The following AGR3 variants were observed in gnomAD, a reference collection of about 807,000 sequenced individuals.
AGR3 encodes anterior gradient protein 3.
In AGR3, 37 loss-of-function variants were observed where a neutral mutation model predicts 24.5. The ratio of observed to expected loss-of-function variants is 1.51; its 90% confidence interval spans 1.16 to 1.99. The LOEUF is 1.99. Ranked by LOEUF, AGR3 falls within the 30% of genes most tolerant of loss-of-function variation. AGR3 has a pLI of 0.00. For missense variants in AGR3, 228 were observed against 191.1 expected (o/e 1.19, Z -1.14); for synonymous variants, 75 against 61.6 (o/e 1.22, Z -1.02).
At chr7:16,868,028 C>T (rs1483278361) in intron 3 of AGR3, among the ~76,000 whole-genome samples, 4 of 152,098 alleles carry the variant, frequency 2.6e-5, no homozygotes, top group African/African-American at 7.2e-5. Context: ...CCAACACTTG[C>T]TATTATTCAT....
chr7:16,861,129 C>G (rs1033551149), intron 6 of AGR3, among the ~76,000 whole-genome samples: 5 of 152,186 alleles, frequency 3.3e-5, no homozygotes, highest in Admixed American at 2.6e-4. Context: ...CTCTGTCAAT[C>G]TAGTCTGGGG....
At position 16,881,947 on chromosome 7, in the gene AGR3, A is replaced by G. The variant is rs777188408; in HGVS notation, c.-31T>C. 2.1e-6 allele frequency: 1 copy of G among 471,096 alleles called. No individual in the cohort carries two copies. The highest frequency in any genetic ancestry group is 1.5e-5 in the South Asian group (1 of 64,564). The allele number at this position is 471,096 out of a possible 1,614,324, so 29.2% of individuals were successfully genotyped here. A position where few individuals can be genotyped will look rare whatever the true frequency, so the allele number is the denominator to read the frequency against. ...TCTGGAAAATTTGCTTGCTTACCTG[A>G]CTTGGCCAGTGCTCTTGTTGGAAAT... is the stretch of plus-strand genomic sequence containing the variant. On this transcript the variant is annotated 5_prime_UTR_variant, in exon 1 of 8. Transcript: ENST00000310398.
intron 3 of AGR3, among the ~76,000 whole-genome samples, chr7:16,863,771 A>G (rs1451704612): frequency 6.6e-6 from 1 of 151,996 alleles, no homozygotes; most frequent in Non-Finnish European, 1.5e-5. Context: ...AGTCTCCCCA[A>G]AGATGGATAT....
At chr7:16,875,151 C>G (rs943865687) in intron 2 of AGR3, among the ~76,000 whole-genome samples, 1 of 151,000 alleles carries the variant, frequency 6.6e-6, no homozygotes, top group African/African-American at 2.4e-5. Flanking sequence ...AAAATGTGTG[C>G]TTTTTTCAGT....
At chr7:16,865,919 C>T in intron 3 of AGR3, 1 of 707,196 alleles carries the variant, frequency 1.4e-6, no homozygotes, top group Non-Finnish European at 2.6e-6. Flanking sequence ...TAAAATAGAT[C>T]CATCCTGTTT....
chr7:16,860,506 G>A lies in AGR3; in HGVS notation c.445C>T (p.Pro149Ser). 1 of 1,611,146 alleles carries A rather than the reference G, an allele frequency of 6.2e-7. No individual in the cohort carries two copies. The highest frequency in any genetic ancestry group is 8.5e-7 in the Non-Finnish European group (1 of 1,177,400). Residue 149 changes from proline to serine, a missense_variant, in exon 7 of 8, where the codon CCC (proline) becomes TCC (serine). Transcript: ENST00000310398. ...RLYTYEPRDL[P>S]LLIENMKKAL... ...ATCATTTGTGAATACTTACATAGGG[G>A]TAAATCCCGAGGCTCATATGTGTAC...
In AGR3 at chr7:16,859,415, G is replaced by T. The variant is rs950201058; in HGVS notation, c.*167C>A. The T allele has an allele frequency of 1.1e-5, 6 of 555,152 alleles. No individual in the cohort carries two copies. Among genetic ancestry groups the T allele is most frequent in the Non-Finnish European group, 3.2e-6 (1 of 316,956 alleles). 34.4% of individuals were successfully genotyped at this position (555,152 alleles called of 1,614,324 possible). A position where few individuals can be genotyped will look rare whatever the true frequency, so the allele number is the denominator to read the frequency against. Reference sequence around the variant, plus strand: ...AAATAAAACTATATTGTCAGTCTCAGATTTAAAAAACATTTATTTTAATAA... The same window carrying T: ...AAATAAAACTATATTGTCAGTCTCATATTTAAAAAACATTTATTTTAATAA... On this transcript the variant is annotated 3_prime_UTR_variant, in exon 8 of 8. Coordinates refer to ENST00000310398, the MANE Select transcript of AGR3 (RefSeq NM_176813.5).
intron 3 of AGR3, among the ~76,000 whole-genome samples, chr7:16,871,491 T>C (rs961321175): frequency 3.3e-5 from 5 of 152,088 alleles, no homozygotes; most frequent in Non-Finnish European, 7.4e-5. Flanking sequence ...GTAGCATTTC[T>C]ATACAACAAT....
chr7:16,866,218 C>G (rs1781755415), intron 3 of AGR3: 5 of 525,240 alleles, frequency 9.5e-6, no homozygotes, highest in Admixed American at 9.1e-5. Flanking sequence ...GTAGAGATGT[C>G]TCTATACTCT....
At chr7:16,862,784 A>G (rs1392409515) in intron 3 of AGR3, 122 bp from the exon 4 acceptor site, 1 of 655,854 alleles carries the variant, frequency 1.5e-6, no homozygotes, top group East Asian at 3.3e-5. Context: ...CAGATTTACA[A>G]ATCATAGCAC....
intron 3 of AGR3, chr7:16,866,332 C>T: frequency 1.9e-6 from 1 of 518,108 alleles, no homozygotes; most frequent in Non-Finnish European, 3.9e-6. Context: ...AGTTCCCATC[C>T]ATAGTATAGG....
intron 1 of AGR3, among the ~76,000 whole-genome samples, chr7:16,879,454 A>G (rs929355075): frequency 1.3e-5 from 2 of 152,238 alleles, no homozygotes. Flanking sequence ...TAAATATATT[A>G]CAGGAAGTCT....
chr7:16,864,652 G>A (rs1363046667), intron 3 of AGR3: 2 of 1,582,504 alleles, frequency 1.3e-6, no homozygotes, highest in African/African-American at 2.7e-5. Context: ...GCATAAAGCT[G>A]GTAGGCAGAA....
chr7:16,865,703 C>G, intron 3 of AGR3: 1 of 781,066 alleles, frequency 1.3e-6, no homozygotes, highest in Non-Finnish European at 2.4e-6. Flanking sequence ...CTTTGTTGCT[C>G]TTAGTAGAAA....
At chr7:16,865,521 C>A (rs1781741694) in intron 3 of AGR3, 1 of 700,484 alleles carries the variant, frequency 1.4e-6, no homozygotes, top group African/African-American at 1.8e-5. Context: ...ATTTTTACCA[C>A]TGAGACTGTC....
At chr7:16,870,618 C>G (rs1360783867) in intron 3 of AGR3, among the ~76,000 whole-genome samples, 1 of 152,072 alleles carries the variant, frequency 6.6e-6, no homozygotes, top group African/African-American at 2.4e-5. Context: ...ATGTTTTATT[C>G]TATAATGCAT....
intron 3 of AGR3, chr7:16,864,170 A>C: frequency 1.4e-6 from 1 of 704,280 alleles, no homozygotes; most frequent in Non-Finnish European, 2.2e-6. Flanking sequence ...ACTGTTGTGT[A>C]ATTCATCAGA....
intron 2 of AGR3, 114 bp from the exon 3 acceptor site, chr7:16,873,957 T>A: frequency 2.4e-6 from 2 of 828,304 alleles, no homozygotes; most frequent in Non-Finnish European, 4.0e-6. Context: ...CATCAAGCTG[T>A]TGGCTGACAT....
chr7:16,855,815 G>A (rs75159492), downstream of AGR3, among the ~76,000 whole-genome samples: 116 of 152,140 alleles, frequency 7.6e-4, no homozygotes, highest in African/African-American at 2.7e-3. Flanking sequence ...TAAAAAGTAC[G>A]CTTCCCTGAG....
Sources: gnomAD v4.1 joint callset for allele counts (sites outside exome capture counted in the v4.1 genomes callset) on GRCh38, gnomAD v4.1.1 for gene constraint, MANE v1.5 for transcripts, NCBI Gene and HGNC (gene_info 2026-07-23, HGNC 2026-07-21) for gene names.